GDAP1: variants seen among roughly 807,000 people sequenced by gnomAD.
GDAP1 encodes the protein ganglioside induced differentiation associated protein 1.
In GDAP1, 34 loss-of-function variants were observed where a neutral mutation model predicts 40.1. The ratio of observed to expected loss-of-function variants is 0.85; its 90% CI spans 0.64 to 1.13. The LOEUF (loss-of-function observed/expected upper bound fraction) is 1.13. Ranked by LOEUF, GDAP1 falls within the 50% of genes most tolerant of loss-of-function variation. The pLI is 0.00. For synonymous variants in GDAP1, 170 were observed against 157.4 expected (o/e 1.08, Z -0.60); for missense variants, 374 against 433.7 (o/e 0.86, Z 1.22).
intron 2 of GDAP1, among the ~76,000 whole-genome samples, chr8:74,354,018 T>C (rs1397072884): frequency 6.6e-6 from 1 of 152,152 alleles, no homozygotes; most frequent in Non-Finnish European, 1.5e-5. Context: ...TTGATTTAAG[T>C]AGAACATTTG....
intron 2 of GDAP1, among the ~76,000 whole-genome samples, chr8:74,451,775 A>G (rs1806297462): frequency 1.3e-5 from 1 of 77,742 alleles, no homozygotes; most frequent in Non-Finnish European, 2.5e-5. Context: ...TCTGGCCTCC[A>G]TTGTTCTGGA....
chr8:74,371,927 C>A (rs1440195459), intron 2 of GDAP1, among the ~76,000 whole-genome samples: 2 of 149,146 alleles, frequency 1.3e-5, no homozygotes, highest in East Asian at 4.0e-4. Flanking sequence ...TCCCCCCCCA[C>A]CCCATGACAG....
At chr8:74,362,240 A>G (rs1444652046) in intron 4 of GDAP1, among the ~76,000 whole-genome samples, 2 of 152,330 alleles carry the variant, frequency 1.3e-5, no homozygotes, top group South Asian at 2.1e-4. Flanking sequence ...AGTTCATAAC[A>G]TATTCTAGAA....
intron 2 of GDAP1, among the ~76,000 whole-genome samples, chr8:74,422,346 TTTCTTCCCTTCCTTCCTTCCTTCC>T (rs1403669821): frequency 0.025 from 1,221 of 49,364 alleles, 39 homozygotes; most frequent in African/African-American, 0.066. Context: ...TCTTTCTTTC[TTTCTTCCCTTCCTTCCTTCCTTCC>T]TTCCTTCCTT....
chr8:74,469,123 G>A (rs954820340), intron 2 of GDAP1, among the ~76,000 whole-genome samples: 4 of 151,922 alleles, frequency 2.6e-5, no homozygotes, highest in African/African-American at 9.7e-5. Context: ...ACCCAATTTG[G>A]TCTTAGTGGA....
In GDAP1 at chr8:74,482,413, C is replaced by T. The variant is rs143569003; in HGVS notation, c.166-6265C>T. Reference sequence around the variant, plus strand: ...AATTACTAGGAATTTGTTTCATTTACTTAGTTTTCACATTGTATTCCAGAT... The same window carrying T: ...AATTACTAGGAATTTGTTTCATTTATTTAGTTTTCACATTGTATTCCAGAT... On this transcript the variant is annotated intron_variant, in intron 2 of 2. Transcript: ENST00000523640. Among the ~76,000 whole-genome samples, 162 of 152,214 alleles carry T rather than the reference C, an allele frequency of 1.1e-3. 2 individuals are homozygous for T. In the East Asian group the frequency reaches 0.028, roughly 26 times the overall value.
intron 2 of GDAP1, among the ~76,000 whole-genome samples, chr8:74,383,783 C>T (rs555361339): frequency 8.5e-5 from 13 of 152,226 alleles, no homozygotes; most frequent in African/African-American, 3.1e-4. Flanking sequence ...TTAGCTGCAC[C>T]TATTGCCGAT....
chr8:74,424,553 G>A (rs1394818109), intron 2 of GDAP1, among the ~76,000 whole-genome samples: 1 of 152,278 alleles, frequency 6.6e-6, no homozygotes, highest in East Asian at 1.9e-4. Context: ...TCACTATGGT[G>A]ATTATTCACA....
intron 2 of GDAP1, among the ~76,000 whole-genome samples, chr8:74,419,362 T>G (rs890503912): frequency 6.6e-6 from 1 of 152,208 alleles, no homozygotes; most frequent in Non-Finnish European, 1.5e-5. Context: ...GTCCTATTGA[T>G]ACATGCAACA....
intron 2 of GDAP1, among the ~76,000 whole-genome samples, chr8:74,446,667 G>C (rs1366300625): frequency 6.6e-6 from 1 of 152,094 alleles, no homozygotes; most frequent in African/African-American, 2.4e-5. Context: ...TCAATTACTA[G>C]GTGCCACGTT....
At chr8:74,436,224 A>G (rs1005058260) in intron 2 of GDAP1, among the ~76,000 whole-genome samples, 1 of 152,118 alleles carries the variant, frequency 6.6e-6, no homozygotes, top group African/African-American at 2.4e-5. Flanking sequence ...CACACAGCCA[A>G]TTGAGTTAAA....
At chr8:74,353,352 C>G (rs891750537) in intron 2 of GDAP1, among the ~76,000 whole-genome samples, 7 of 152,106 alleles carry the variant, frequency 4.6e-5, no homozygotes, top group African/African-American at 1.7e-4. Context: ...ATCTTTCAAT[C>G]AATTGGGAAG....
At chr8:74,352,992 ACT>A (rs1250835474) in intron 2 of GDAP1, among the ~76,000 whole-genome samples, 1 of 152,068 alleles carries the variant, frequency 6.6e-6, no homozygotes, top group African/African-American at 2.4e-5. Context: ...CCCTCCTTAC[ACT>A]GTTTTTCCTC....
At chr8:74,374,874 A>G (rs1396961555) in intron 2 of GDAP1, among the ~76,000 whole-genome samples, 1 of 152,224 alleles carries the variant, frequency 6.6e-6, no homozygotes. Flanking sequence ...TACAAAGAAG[A>G]TTCAAGGCCT....
At chr8:74,356,193 C>T (rs768367412) in intron 2 of GDAP1, among the ~76,000 whole-genome samples, 2 of 151,980 alleles carry the variant, frequency 1.3e-5, no homozygotes, top group Non-Finnish European at 2.9e-5. Context: ...GAATATCAGT[C>T]TTTGATTATT....
intron 2 of GDAP1, among the ~76,000 whole-genome samples, chr8:74,392,292 A>T (rs1810122671): frequency 6.6e-6 from 1 of 152,332 alleles, no homozygotes; most frequent in Middle Eastern, 3.4e-3. Context: ...TATCAATGTG[A>T]TATTTAAAAT....
In GDAP1 at chr8:74,351,338, G is replaced by A. The variant is rs1808861763; in HGVS notation, c.182G>A (p.Ser61Asn). The A allele has an allele frequency of 6.2e-7, 1 of 1,614,152 alleles. No homozygotes were observed. Among genetic ancestry groups the A allele is most frequent in the Non-Finnish European group, 8.5e-7 (1 of 1,179,940 alleles). ...CEEHDVSLPL[S>N]EHNEPWFMRL... is the part of the protein sequence containing the mutation. ...GAACATGATGTAAGTCTGCCCTTGA[G>A]TGAGCACAATGAGCCTTGGTTTATG... Residue 61 changes from serine (S) to asparagine (N), a missense_variant, in exon 2 of 6, where the codon AGT (serine) becomes AAT (asparagine). Ser to Asn is a conservative substitution (Grantham distance 46). Coordinates refer to ENST00000220822, the MANE Select transcript of GDAP1 (RefSeq NM_018972.4).
intron 2 of GDAP1, among the ~76,000 whole-genome samples, chr8:74,380,364 C>T (rs1328455870): frequency 1.3e-5 from 2 of 152,112 alleles, no homozygotes; most frequent in Non-Finnish European, 2.9e-5. Context: ...TGTCCCCAAA[C>T]CGGCTTTTCT....
At chr8:74,467,477 G>C (rs1475140239) in intron 2 of GDAP1, among the ~76,000 whole-genome samples, 1 of 152,130 alleles carries the variant, frequency 6.6e-6, no homozygotes, top group Non-Finnish European at 1.5e-5. Context: ...GAGAGAGAGA[G>C]TATAATGATT....
Sources: allele counts gnomAD v4.1 joint callset (sites outside exome capture counted in the v4.1 genomes callset), GRCh38; gene constraint gnomAD v4.1.1; transcripts MANE v1.5; gene names NCBI Gene and HGNC (gene_info 2026-07-23, HGNC 2026-07-21).